Variants in NRG3 observed in about 807,000 individuals in gnomAD.
The protein encoded by NRG3 is neuregulin 3.
A neutral mutation model predicts 66.9 loss-of-function variants in NRG3; 31 were observed. The observed-to-expected ratio is 0.46, with a 90% CI of 0.35 to 0.63. NRG3 has a LOEUF of 0.63. NRG3 is among the 20% of genes least tolerant of loss of function. The pLI is 0.00. For synonymous variants in NRG3, 393 were observed against 359.4 expected (o/e 1.09, Z -1.06); for missense variants, 910 against 878.9 (o/e 1.04, Z -0.45).
intron 2 of NRG3, among the ~76,000 whole-genome samples, chr10:82,562,965 G>T (rs1162427637): frequency 2.6e-5 from 4 of 152,032 alleles, no homozygotes; most frequent in Middle Eastern, 3.2e-3. Flanking sequence ...GTATATTTCA[G>T]CCTTCTGATA....
At chr10:82,599,240 A>G (rs1468597161) in intron 2 of NRG3, among the ~76,000 whole-genome samples, 1 of 152,214 alleles carries the variant, frequency 6.6e-6, no homozygotes, top group East Asian at 1.9e-4. Context: ...GTGGGCTTCA[A>G]AAGGAATACA....
chr10:82,675,457 A>T (rs1263802531), intron 2 of NRG3, among the ~76,000 whole-genome samples: 1 of 152,162 alleles, frequency 6.6e-6, no homozygotes, highest in Non-Finnish European at 1.5e-5. Context: ...ACCCGAAAAG[A>T]CATTTCAAAA....
chr10:82,781,887 CA>C (rs757703048), intron 3 of NRG3, among the ~76,000 whole-genome samples: 14 of 148,092 alleles, frequency 9.5e-5, no homozygotes, highest in Admixed American at 5.4e-4. Context: ...CCATCAGGAC[CA>C]AAAAAAAAAT....
chr10:82,938,655 A>T (rs1382061678), intron 4 of NRG3, among the ~76,000 whole-genome samples: 1 of 152,250 alleles, frequency 6.6e-6, no homozygotes, highest in African/African-American at 2.4e-5. Flanking sequence ...TTACACCAAT[A>T]TGGAGAAGGT....
At chr10:82,371,496 G>A (rs2084891653) in intron 2 of NRG3, among the ~76,000 whole-genome samples, 1 of 152,144 alleles carries the variant, frequency 6.6e-6, no homozygotes, top group Non-Finnish European at 1.5e-5. Context: ...AAAGTGGTAA[G>A]AATATAGTGA....
intron 2 of NRG3, among the ~76,000 whole-genome samples, chr10:82,641,590 AC>A (rs2050586401): frequency 6.6e-6 from 1 of 152,144 alleles, no homozygotes; most frequent in Admixed American, 6.6e-5. Context: ...CATCAAGAGT[AC>A]TCATGATCCA....
chr10:82,768,661 C>T (rs987755575), intron 3 of NRG3, among the ~76,000 whole-genome samples: 6 of 152,060 alleles, frequency 3.9e-5, no homozygotes, highest in Non-Finnish European at 7.4e-5. Flanking sequence ...ATTTTTCTTT[C>T]ACTGATAGCA....
chr10:82,430,622 C>A (rs914620121), intron 2 of NRG3, among the ~76,000 whole-genome samples: 31 of 152,140 alleles, frequency 2.0e-4, no homozygotes, highest in African/African-American at 6.7e-4. Context: ...AAATCAAATA[C>A]CCCTCCCCTT....
chr10:82,563,731 TATC>T (rs1407233598), intron 2 of NRG3, among the ~76,000 whole-genome samples: 2 of 152,058 alleles, frequency 1.3e-5, no homozygotes, highest in Non-Finnish European at 2.9e-5. Flanking sequence ...CTCACCTACT[TATC>T]ATTTTTTGTG....
intron 8 of NRG3, among the ~76,000 whole-genome samples, chr10:82,980,450 T>G (rs1852749598): frequency 6.6e-6 from 1 of 152,162 alleles, no homozygotes. Flanking sequence ...GCCAGGTTCT[T>G]GTGGCTCTGT....
Position 81,888,094 on chromosome 10 carries a change from T to C in NRG3, c.823+11931T>C, listed in dbSNP as rs182110053. Among the ~76,000 whole-genome samples, 588 of 152,246 alleles carry C rather than the reference T, an allele frequency of 3.9e-3. 3 individuals are homozygous for C. Among genetic ancestry groups the C allele is most frequent in the Non-Finnish European group, 6.4e-3 (432 of 68,016 alleles). ...TATAGGTTTTTCCATGTACAGAGAC[T>C]GGATGGTAGCTCTGAAAGTTTGTTG... On this transcript the variant is annotated intron_variant, in intron 1 of 8. Coordinates refer to ENST00000372141, the MANE Select transcript of NRG3 (RefSeq NM_001010848.4).
chr10:82,240,393 A>G (rs1294529230), intron 1 of NRG3, among the ~76,000 whole-genome samples: 1 of 152,146 alleles, frequency 6.6e-6, no homozygotes, highest in Non-Finnish European at 1.5e-5. Context: ...TGCATGTTTT[A>G]TTATAGCATT....
At chr10:82,043,619 CCT>C (rs1470625818) in intron 1 of NRG3, among the ~76,000 whole-genome samples, 1 of 151,952 alleles carries the variant, frequency 6.6e-6, no homozygotes, top group African/African-American at 2.4e-5. Context: ...CATCCTGTCA[CCT>C]CCACACATGG....
At chr10:82,748,939 G>A (rs1003070292) in intron 3 of NRG3, among the ~76,000 whole-genome samples, 1 of 152,014 alleles carries the variant, frequency 6.6e-6, no homozygotes, top group Non-Finnish European at 1.5e-5. Context: ...AACATTGAGA[G>A]AATCGCTTTC....
chr10:82,114,120 A>G (rs1452241343), intron 1 of NRG3, among the ~76,000 whole-genome samples: 1 of 152,122 alleles, frequency 6.6e-6, no homozygotes, highest in African/African-American at 2.4e-5. Context: ...ATTTAGCGTA[A>G]TGTTTTCAAG....
intron 1 of NRG3, among the ~76,000 whole-genome samples, chr10:82,106,825 C>A (rs538028818): frequency 2.0e-5 from 3 of 151,968 alleles, no homozygotes; most frequent in African/African-American, 7.3e-5. Flanking sequence ...CATTTTTTAT[C>A]CAGGGATCTA....
At chr10:81,929,349 A>ATTAG (rs1405572053) in intron 1 of NRG3, among the ~76,000 whole-genome samples, 1 of 152,220 alleles carries the variant, frequency 6.6e-6, no homozygotes, top group African/African-American at 2.4e-5. Flanking sequence ...CATGTGCCTA[A>ATTAG]GAATTAAAAC....
chr10:82,100,531 G>A (rs994564924), intron 1 of NRG3, among the ~76,000 whole-genome samples: 4 of 151,958 alleles, frequency 2.6e-5, no homozygotes, highest in South Asian at 2.1e-4. Context: ...TTTTCTTTTG[G>A]TGTGAGTTGC....
chr10:82,103,140 C>T (rs1564565661), intron 1 of NRG3, among the ~76,000 whole-genome samples: 1 of 152,090 alleles, frequency 6.6e-6, no homozygotes, highest in Non-Finnish European at 1.5e-5. Flanking sequence ...TTTTCTTCAG[C>T]ACTTTAAGTA....
Sources: allele counts gnomAD v4.1 joint callset (sites outside exome capture counted in the v4.1 genomes callset), GRCh38; gene constraint gnomAD v4.1.1; transcripts MANE v1.5; gene names NCBI Gene and HGNC (gene_info 2026-07-23, HGNC 2026-07-21).